ARAP2: variants seen among roughly 807,000 people sequenced by gnomAD.
ARAP2 encodes the protein ArfGAP with RhoGAP domain, ankyrin repeat and PH domain 2.
In ARAP2, 148 loss-of-function variants were observed where a neutral mutation model predicts 194.5. The observed-to-expected ratio is 0.76, with a 90% CI of 0.67 to 0.87. ARAP2 has a LOEUF of 0.87. ARAP2 is among the 40% of genes least tolerant of loss of function. The pLI, the probability that ARAP2 is intolerant of heterozygous loss-of-function variation, is 0.00. For missense variants in ARAP2, 2,128 were observed against 1,989.7 expected (o/e 1.07, Z -1.32); for synonymous variants, 695 against 683.5 (o/e 1.02, Z -0.26).
chr4:36,197,427 T>C (rs1487471984), intron 6 of ARAP2, among the ~76,000 whole-genome samples: 13 of 152,262 alleles, frequency 8.5e-5, no homozygotes, highest in Non-Finnish European at 1.8e-4. Context: ...ACTTTTATTT[T>C]TGCAAATATT....
Position 36,187,537 on chromosome 4 carries a change from G to A in ARAP2, c.1592C>T (p.Ala531Val). ...TCCTTGAACTCGTACTGTTGATATA[G>A]CAGAAAGGGGAATTATTCCTTTCGA... ...MYSKGIIPLS[A>V]ISTVRVQGDN... is the part of the protein sequence containing the mutation. Residue 531 changes from alanine to valine, a missense_variant, in exon 8 of 33, where the codon GCT (alanine) becomes GTT (valine). Ala to Val is a moderately conservative substitution (Grantham distance 64). Coordinates refer to ENST00000303965, the MANE Select transcript of ARAP2 (RefSeq NM_015230.4). The A allele has an allele frequency of 2.6e-6, 4 of 1,565,336 alleles. 1 individual carries two copies. Among genetic ancestry groups the A allele is most frequent in the South Asian group, 2.5e-5 (2 of 80,538 alleles).
chr4:36,025,271 T>C (rs1006662164), intron 5 of ARAP2, among the ~76,000 whole-genome samples: 2 of 152,196 alleles, frequency 1.3e-5, no homozygotes, highest in South Asian at 2.1e-4. Context: ...CAAGTGAGGA[T>C]GAGCACCCAC....
chr4:36,102,603 T>C (rs1279284182), intron 27 of ARAP2, among the ~76,000 whole-genome samples: 1 of 152,042 alleles, frequency 6.6e-6, no homozygotes, highest in Non-Finnish European at 1.5e-5. Context: ...AAAGAAGAGA[T>C]GTCTACAATT....
At position 36,084,552 on chromosome 4, in the gene ARAP2, G is replaced by GA. The variant is rs1730375024; in HGVS notation, c.4426-1103dup. Among the ~76,000 whole-genome samples the GA allele has an allele frequency of 2.0e-5, 3 of 152,092 alleles. No homozygotes were observed. In the South Asian group the frequency reaches 6.2e-4, roughly 32 times the overall value. On this transcript the variant is annotated intron_variant, in intron 28 of 32. Transcript: ENST00000303965. ...AGGTATCTCAAAAATCCAAATTAAT[G>GA]AAAATTATCCTAATTAAAATAGACT...
At chr4:36,243,383 CAAAAAAAAAAAAA>C (rs71201008) in intron 1 of ARAP2, among the ~76,000 whole-genome samples, 1 of 85,114 alleles carries the variant, frequency 1.2e-5, no homozygotes, top group Non-Finnish European at 2.2e-5. Flanking sequence ...GACAAGCTTG[CAAAAAAAAAAAAA>C]AAAAAAAAAA....
In ARAP2 at chr4:36,151,044, T is replaced by A; in HGVS notation, c.2753A>T (p.Glu918Val). The change falls in exon 16 of 33, where the codon GAG becomes GTG. Residue 918 changes from glutamate (E) to valine (V), a missense_variant and splice_region_variant. Coordinates refer to ENST00000303965, the MANE Select transcript of ARAP2 (RefSeq NM_015230.4). ...CAAAACACACCATTTTTTATTTGTCTCTAAGAATTTGAAACAAAACAAATA... is the reference window on the plus strand; with the variant it reads ...CAAAACACACCATTTTTTATTTGTCACTAAGAATTTGAAACAAAACAAATA... ...KLSSEKKLLE[E>V]TNKKWCVLEG... 1 of 1,584,186 alleles carries A rather than the reference T, an allele frequency of 6.3e-7. No individual in the cohort carries two copies. The highest frequency in any genetic ancestry group is 8.5e-7 in the Non-Finnish European group (1 of 1,170,710).
intron 7 of ARAP2, among the ~76,000 whole-genome samples, chr4:36,190,208 T>C (rs1741567192): frequency 6.6e-6 from 1 of 152,220 alleles, no homozygotes; most frequent in Non-Finnish European, 1.5e-5. Flanking sequence ...AAGAAAGCCT[T>C]TCTGACCAGC....
At chr4:36,104,612 T>C (rs960444401) in intron 27 of ARAP2, among the ~76,000 whole-genome samples, 1 of 151,984 alleles carries the variant, frequency 6.6e-6, no homozygotes, top group Non-Finnish European at 1.5e-5. Context: ...AAATCACGAC[T>C]TAAGAAATTG....
At chr4:36,137,124 T>C (rs1424305798) in intron 19 of ARAP2, among the ~76,000 whole-genome samples, 1 of 151,862 alleles carries the variant, frequency 6.6e-6, no homozygotes, top group Non-Finnish European at 1.5e-5. Flanking sequence ...AATCTTAAAA[T>C]ACGTATGCAT....
intron 2 of ARAP2, 136 bp from the exon 3 acceptor site, chr4:36,214,616 A>G: frequency 4.1e-6 from 2 of 488,424 alleles, no homozygotes; most frequent in Non-Finnish European, 6.6e-6. Context: ...AGAGAGCTAT[A>G]CATTCTTTTG....
At chr4:36,085,782 C>A (rs1711626622) in intron 28 of ARAP2, among the ~76,000 whole-genome samples, 1 of 152,024 alleles carries the variant, frequency 6.6e-6, no homozygotes, top group African/African-American at 2.4e-5. Context: ...TCAATACTAG[C>A]AGATTTAACA....
rs76420324 is a variant in ARAP2, at chr4:36,104,468, T to C, written c.4285+3097A>G. ...ACTCTGGAGTAGGTAGTCGTTGTGA[T>C]TGACTTAGGAGACATTTTCCAAGAC... On this transcript the variant is annotated intron_variant, in intron 27 of 32. Transcript: ENST00000303965. Among the ~76,000 whole-genome samples, 778 of 152,070 alleles carry C rather than the reference T, an allele frequency of 5.1e-3. 6 individuals are homozygous for C. Among genetic ancestry groups the C allele is most frequent in the African/African-American group, 0.018 (737 of 41,528 alleles).
intron 24 of ARAP2, among the ~76,000 whole-genome samples, chr4:36,117,515 G>A (rs1441468232): frequency 6.6e-6 from 1 of 151,514 alleles, no homozygotes; most frequent in Non-Finnish European, 1.5e-5. Context: ...CAAAATGAGG[G>A]GTGAAAACAA....
chr4:36,026,180 T>G (rs1394166124), intron 5 of ARAP2, among the ~76,000 whole-genome samples: 1 of 152,210 alleles, frequency 6.6e-6, no homozygotes, highest in Admixed American at 6.6e-5. Context: ...TTATGGATAA[T>G]GAATTCTCAG....
chr4:36,091,770 C>G (rs1003110966), intron 28 of ARAP2, 111 bp downstream of exon 28: 7 of 1,158,274 alleles, frequency 6.0e-6, no homozygotes, highest in Non-Finnish European at 8.1e-6. Context: ...GCTTACCATG[C>G]ATTTTATATA....
chr4:36,065,012 G>T, downstream of ARAP2: 1 of 169,462 alleles, frequency 5.9e-6, no homozygotes, highest in Non-Finnish European at 1.3e-5. Context: ...TGGAGAGGGA[G>T]AAGGCAGAGG....
At chr4:36,232,097 T>C (rs1751587672) in intron 1 of ARAP2, among the ~76,000 whole-genome samples, 1 of 152,228 alleles carries the variant, frequency 6.6e-6, no homozygotes, top group Admixed American at 6.5e-5. Flanking sequence ...ACTTATCAGC[T>C]GGCAAATGGA....
intron 19 of ARAP2, among the ~76,000 whole-genome samples, chr4:36,140,458 G>T (rs1232321454): frequency 6.6e-6 from 1 of 151,588 alleles, no homozygotes; most frequent in African/African-American, 2.4e-5. Context: ...TCTCTTGTTT[G>T]CCTTGGCAAT....
intron 9 of ARAP2, among the ~76,000 whole-genome samples, chr4:36,010,972 C>T (rs1417748235): frequency 1.3e-5 from 2 of 152,036 alleles, no homozygotes; most frequent in African/African-American, 4.8e-5. Context: ...CAGACAAATA[C>T]AGACATTTCC....
Sources: allele counts gnomAD v4.1 joint callset (sites outside exome capture counted in the v4.1 genomes callset), GRCh38; gene constraint gnomAD v4.1.1; transcripts MANE v1.5; gene names NCBI Gene and HGNC (gene_info 2026-07-23, HGNC 2026-07-21).